RUNX2: variants seen among roughly 807,000 people sequenced by gnomAD.
The protein encoded by RUNX2 is runt-related transcription factor 2.
Under a neutral mutation model 51.7 loss-of-function variants are expected in RUNX2, and 10 were observed. The ratio of observed to expected loss-of-function variants is 0.19; its 90% CI spans 0.12 to 0.33. The LOEUF (loss-of-function observed/expected upper bound fraction) is 0.33, where lower values mean the gene tolerates loss of function less well. Ranked by LOEUF, RUNX2 falls within the 10% of genes least tolerant of loss-of-function variation. The probability of loss-of-function intolerance (pLI) is 1.00; values close to 1 mark genes in which losing one functional copy is unlikely to be tolerated. For missense variants in RUNX2, 562 were observed against 691.3 expected, an observed-to-expected ratio of 0.81 and a Z score of 2.10; for synonymous variants, 276 against 273.6, an observed-to-expected ratio of 1.01 and a Z score of -0.09.
intron 5 of RUNX2, among the ~76,000 whole-genome samples, chr6:45,465,137 T>C (rs1449359462): frequency 6.6e-6 from 1 of 152,222 alleles, no homozygotes; most frequent in Admixed American, 6.5e-5. Context: ...GCAGTATGCT[T>C]CTGAAATAAG....
chr6:45,472,924 C>G (rs1799847699), intron 5 of RUNX2, among the ~76,000 whole-genome samples: 1 of 152,164 alleles, frequency 6.6e-6, no homozygotes, highest in Admixed American at 6.5e-5. Flanking sequence ...AGTTCATTTT[C>G]AAGCTCAATA....
intron 6 of RUNX2, among the ~76,000 whole-genome samples, chr6:45,499,370 C>A (rs12198785): frequency 0.02 from 3,102 of 152,280 alleles, 37 homozygotes; most frequent in Non-Finnish European, 0.032. Context: ...GGCTCAAATC[C>A]TGTGTGTAAA....
chr6:45,438,099 C>A, intron 5 of RUNX2, 48 bp downstream of exon 5: 2 of 1,193,852 alleles, frequency 1.7e-6, no homozygotes, highest in Non-Finnish European at 1.2e-6. Flanking sequence ...TTTCCAGAGA[C>A]CCTATGAGGA....
intron 2 of RUNX2, among the ~76,000 whole-genome samples, chr6:45,375,549 A>T (rs1424029697): frequency 6.8e-6 from 1 of 147,940 alleles, no homozygotes. Context: ...CAAGAGCATC[A>T]TTTTTTTTTT....
chr6:45,485,192 CTTT>C (rs199954113), intron 5 of RUNX2, among the ~76,000 whole-genome samples: 1 of 139,340 alleles, frequency 7.2e-6, no homozygotes, highest in African/African-American at 2.6e-5. Flanking sequence ...TTCTTTCTTT[CTTT>C]TTTTTTTTTT....
At chr6:45,544,683 G>T (rs1437374456) in intron 7 of RUNX2, among the ~76,000 whole-genome samples, 1 of 152,232 alleles carries the variant, frequency 6.6e-6, no homozygotes, top group African/African-American at 2.4e-5. Flanking sequence ...AATGCATACA[G>T]AAGTGCCCTG....
chr6:45,367,934 C>T (rs551635298), intron 2 of RUNX2, among the ~76,000 whole-genome samples: 1 of 152,256 alleles, frequency 6.6e-6, no homozygotes, highest in South Asian at 2.1e-4. Context: ...TTCCCATACC[C>T]ACATTGTTTG....
chr6:45,473,547 A>G (rs1198681992), intron 5 of RUNX2, among the ~76,000 whole-genome samples: 2 of 152,202 alleles, frequency 1.3e-5, no homozygotes, highest in Non-Finnish European at 2.9e-5. Flanking sequence ...GCTAATCTTC[A>G]AGGAAATTTA....
intron 2 of RUNX2, among the ~76,000 whole-genome samples, chr6:45,389,198 C>T (rs1035777082): frequency 2.0e-5 from 3 of 152,184 alleles, no homozygotes; most frequent in Admixed American, 2.0e-4. Context: ...AGTTTCTCTT[C>T]AATAGAACAC....
chr6:45,424,334 G>A (rs1798325407), intron 3 of RUNX2, among the ~76,000 whole-genome samples: 2 of 152,240 alleles, frequency 1.3e-5, no homozygotes, highest in Admixed American at 1.3e-4. Context: ...GGTTGATGGG[G>A]AAACGGGTTC....
chr6:45,471,889 C>T (rs1190579719), intron 5 of RUNX2, among the ~76,000 whole-genome samples: 2 of 152,126 alleles, frequency 1.3e-5, no homozygotes, highest in Admixed American at 6.5e-5. Context: ...CTTTGAAGGG[C>T]ATATAGTAGA....
At chr6:45,330,799 C>T (rs1331479224) in intron 2 of RUNX2, among the ~76,000 whole-genome samples, 1 of 151,732 alleles carries the variant, frequency 6.6e-6, no homozygotes, top group Non-Finnish European at 1.5e-5. Flanking sequence ...AGCCCCCAAA[C>T]AGTATCTTGA....
At chr6:45,471,589 C>T (rs1287732062) in intron 5 of RUNX2, among the ~76,000 whole-genome samples, 14 of 151,870 alleles carry the variant, frequency 9.2e-5, no homozygotes, top group Non-Finnish European at 1.5e-4. Context: ...GGACTACAGG[C>T]GCCCACCACC....
At chr6:45,428,768 T>C in intron 3 of RUNX2, among the ~76,000 whole-genome samples, 1 of 151,958 alleles carries the variant, frequency 6.6e-6, no homozygotes, top group Non-Finnish European at 1.5e-5. Flanking sequence ...AAAAATTCAT[T>C]ATGTTAAAAA....
intron 2 of RUNX2, among the ~76,000 whole-genome samples, chr6:45,329,956 A>C (rs1787120348): frequency 6.6e-6 from 1 of 152,002 alleles, no homozygotes; most frequent in East Asian, 1.9e-4. Context: ...CTTTTAACTT[A>C]CAACTAATGA....
rs1169784049 is a variant in RUNX2, at chr6:45,417,475, T to C, written c.59-5118T>C. ...AAAAATATTAATCTAATTAACAATT[T>C]ATGCAGAAAAGAATAAGTTAAATGT... On this transcript the variant is annotated intron_variant, in intron 2 of 8. Transcript: ENST00000647337. 4.6e-5 allele frequency among the ~76,000 whole-genome samples: 7 copies of C among 152,262 alleles called. No homozygotes were observed. In the South Asian group the frequency reaches 1.2e-3, roughly 27 times the overall value.
intron 3 of RUNX2, among the ~76,000 whole-genome samples, chr6:45,423,892 G>A (rs1196891143): frequency 1.3e-5 from 2 of 152,258 alleles, no homozygotes; most frequent in Non-Finnish European, 2.9e-5. Flanking sequence ...CCGGGACCGA[G>A]CTCTGCGCCT....
intron 2 of RUNX2, among the ~76,000 whole-genome samples, chr6:45,394,307 C>T (rs1797537928): frequency 6.6e-6 from 1 of 152,124 alleles, no homozygotes; most frequent in Non-Finnish European, 1.5e-5. Flanking sequence ...GCCCCCATGA[C>T]CCAAACACTT....
At chr6:45,367,278 G>A (rs1005865496) in intron 2 of RUNX2, among the ~76,000 whole-genome samples, 2 of 152,066 alleles carry the variant, frequency 1.3e-5, no homozygotes, top group East Asian at 1.9e-4. Context: ...AAACAAAAAC[G>A]TTCCACTTAA....
Sources: gnomAD v4.1 joint callset for allele counts (sites outside exome capture counted in the v4.1 genomes callset) on GRCh38, gnomAD v4.1.1 for gene constraint, MANE v1.5 for transcripts, NCBI Gene and HGNC (gene_info 2026-07-23, HGNC 2026-07-21) for gene names.